Variants in FLVCR2 observed in about 807,000 individuals in gnomAD.
FLVCR2 encodes choline/ethanolamine transporter FLVCR2.
FLVCR2 carries 38 observed loss-of-function variants against 48.9 expected under a neutral mutation model. The ratio of observed to expected loss-of-function variants is 0.78; its 90% CI spans 0.60 to 1.02. The LOEUF is 1.02. Among genes scored for constraint, FLVCR2 ranks in the 50% least tolerant of loss-of-function variants. FLVCR2 has a pLI of 0.00. For missense variants in FLVCR2, 664 were observed against 663.3 expected (o/e 1.00, Z -0.01); for synonymous variants, 255 against 257.0 (o/e 0.99, Z 0.07).
At chr14:75,583,233 G>A (rs1473031502) in intron 1 of FLVCR2, among the ~76,000 whole-genome samples, 3 of 152,200 alleles carry the variant, frequency 2.0e-5, no homozygotes, top group Non-Finnish European at 4.4e-5. Flanking sequence ...TGGCACCACG[G>A]ACTGGATAGA....
At chr14:75,617,873 A>T (rs1889655553) in intron 1 of FLVCR2, among the ~76,000 whole-genome samples, 1 of 152,242 alleles carries the variant, frequency 6.6e-6, no homozygotes, top group Admixed American at 6.5e-5. Context: ...CTTCCTGAGG[A>T]AGCAGGATTT....
intron 3 of FLVCR2, among the ~76,000 whole-genome samples, chr14:75,626,054 C>T (rs1272030790): frequency 1.3e-5 from 2 of 151,242 alleles, no homozygotes; most frequent in East Asian, 1.9e-4. Context: ...TGCAGTGGTG[C>T]GATCTGGGCT....
intron 1 of FLVCR2, among the ~76,000 whole-genome samples, chr14:75,608,312 C>T (rs7142350): frequency 0.36 from 54,798 of 152,068 alleles, 13,800 homozygotes; most frequent in African/African-American, 0.7. Flanking sequence ...GCTATACTTG[C>T]TGATTTGATC....
At position 75,579,631 on chromosome 14, in the gene FLVCR2, T is replaced by C. The variant is rs1306336619; in HGVS notation, c.659T>C (p.Phe220Ser). The change falls in exon 1 of 10, where the codon TTT becomes TCT. Residue 220 changes from phenylalanine to serine, a missense_variant. Physicochemically the swap from Phe to Ser is radical, Grantham distance 155. Coordinates refer to ENST00000238667, the MANE Select transcript of FLVCR2 (RefSeq NM_017791.3). The stretch of plus-strand genomic sequence containing the variant: ...TCAACAGCCTGCTCCGTGGCTGTCT[T>C]TGGCAATCAGGTAGGTAGAACAGTT... ...EVSTACSVAV[F>S]GNQLGIAIGF... is the part of the protein sequence containing the mutation. 6.2e-7 allele frequency: 1 copy of C among 1,614,158 alleles called. No individual in the cohort carries two copies. Among genetic ancestry groups the C allele is most frequent in the East Asian group, 2.2e-5 (1 of 44,884 alleles).
chr14:75,643,375 G>C (rs1213049943), intron 9 of FLVCR2, among the ~76,000 whole-genome samples: 1 of 152,154 alleles, frequency 6.6e-6, no homozygotes, highest in African/African-American at 2.4e-5. Context: ...CAAAGACTTT[G>C]GTATGTGTTG....
At chr14:75,624,513 C>A (rs1342140672) in intron 2 of FLVCR2, 99 bp from the exon 3 acceptor site, 2 of 1,374,794 alleles carry the variant, frequency 1.5e-6, no homozygotes, top group Non-Finnish European at 2.1e-6. Context: ...GGAGTCTTAG[C>A]TCCTCTCAGA....
intron 1 of FLVCR2, among the ~76,000 whole-genome samples, chr14:75,583,480 C>T (rs909824064): frequency 7.2e-5 from 11 of 152,070 alleles, no homozygotes; most frequent in East Asian, 1.9e-4. Context: ...GGCTCGTGAT[C>T]GGTTGCCAGG....
intron 9 of FLVCR2, among the ~76,000 whole-genome samples, chr14:75,645,130 G>A (rs2140057868): frequency 6.6e-6 from 1 of 152,012 alleles, no homozygotes; most frequent in Admixed American, 6.6e-5. Flanking sequence ...TTTCCTGAAT[G>A]ATGGCTCCTC....
At chr14:75,593,152 T>G (rs1231308981) in intron 1 of FLVCR2, among the ~76,000 whole-genome samples, 1 of 152,220 alleles carries the variant, frequency 6.6e-6, no homozygotes, top group Non-Finnish European at 1.5e-5. Flanking sequence ...TCAGGTGTTT[T>G]CTAGCCTATT....
chr14:75,614,786 A>G lies in FLVCR2; in HGVS notation c.670-7293A>G, dbSNP rs76694212. On this transcript the variant is annotated intron_variant, in intron 1 of 9. Transcript: ENST00000238667. The stretch of plus-strand genomic sequence containing the variant: ...CTAGGGAGGCCTCAGGAAACTTACA[A>G]TCATGGTGGAAGGGGAAACAGGCAC... Among the ~76,000 whole-genome samples the G allele has an allele frequency of 8.5e-3, 1,300 of 152,320 alleles. 20 individuals are homozygous for G. Among genetic ancestry groups the G allele is most frequent in the African/African-American group, 0.029 (1,222 of 41,574 alleles).
In FLVCR2 at chr14:75,624,765, T is replaced by A. The variant is rs1015087889; in HGVS notation, c.952+13T>A. Reference sequence around the variant, plus strand: ...GTCATCACCTATGGTAAGGTGTCAATGTGTCTAGGAATGCATTCGAGCTGG... The same window carrying A: ...GTCATCACCTATGGTAAGGTGTCAAAGTGTCTAGGAATGCATTCGAGCTGG... On this transcript the variant is annotated intron_variant, in intron 3 of 9. Transcript: ENST00000238667. 1 of 1,614,024 alleles carries A rather than the reference T, an allele frequency of 6.2e-7. No individual in the cohort carries two copies. The highest frequency in any genetic ancestry group is 8.5e-7 in the Non-Finnish European group (1 of 1,179,970).
At chr14:75,611,589 T>C (rs2140027464) in intron 1 of FLVCR2, among the ~76,000 whole-genome samples, 1 of 151,580 alleles carries the variant, frequency 6.6e-6, no homozygotes, top group East Asian at 1.9e-4. Context: ...TACAAAAAAT[T>C]AGCCAGGTGT....
chr14:75,634,526 CA>C (rs1345434454), intron 4 of FLVCR2, among the ~76,000 whole-genome samples: 3 of 151,940 alleles, frequency 2.0e-5, no homozygotes, highest in South Asian at 2.1e-4. Flanking sequence ...ATTGATAGTT[CA>C]AAAAAACCTA....
intron 2 of FLVCR2, among the ~76,000 whole-genome samples, chr14:75,622,985 A>T (rs948264213): frequency 6.6e-6 from 1 of 151,942 alleles, no homozygotes. Context: ...TTATTTATTT[A>T]TTTGTTTATT....
At chr14:75,616,496 T>TA (rs994979269) in intron 1 of FLVCR2, among the ~76,000 whole-genome samples, 13 of 152,180 alleles carry the variant, frequency 8.5e-5, no homozygotes, top group African/African-American at 2.7e-4. Flanking sequence ...CATATATATA[T>TA]TTTTTAATTG....
At chr14:75,605,677 C>T (rs757991896) in intron 1 of FLVCR2, 38 of 1,505,942 alleles carry the variant, frequency 2.5e-5, no homozygotes, top group Middle Eastern at 1.7e-4. Flanking sequence ...GCCGTGTGTC[C>T]GGAGCCTTAG....
At chr14:75,587,936 C>T (rs888032039) in intron 1 of FLVCR2, among the ~76,000 whole-genome samples, 2 of 152,152 alleles carry the variant, frequency 1.3e-5, no homozygotes, top group African/African-American at 4.8e-5. Flanking sequence ...AATCAGTTTG[C>T]TTTTAGAAGT....
chr14:75,635,409 A>G (rs537196325), intron 5 of FLVCR2, among the ~76,000 whole-genome samples: 14 of 152,340 alleles, frequency 9.2e-5, no homozygotes, highest in Non-Finnish European at 1.5e-4. Context: ...TCCTGTTCTC[A>G]TGGCACCTTG....
At chr14:75,622,834 T>G (rs546611260) in intron 2 of FLVCR2, among the ~76,000 whole-genome samples, 60 of 152,002 alleles carry the variant, frequency 3.9e-4, no homozygotes, top group African/African-American at 1.4e-3. Flanking sequence ...TTTAAAAAAA[T>G]TATAAGAGTA....
Sources: allele counts gnomAD v4.1 joint callset (sites outside exome capture counted in the v4.1 genomes callset), GRCh38; gene constraint gnomAD v4.1.1; transcripts MANE v1.5; gene names NCBI Gene and HGNC (gene_info 2026-07-23, HGNC 2026-07-21).